Variants in RGS12 observed in about 807,000 individuals in gnomAD.
The protein encoded by RGS12 is regulator of G protein signaling 12.
A neutral mutation model predicts 120.1 loss-of-function variants in RGS12; 66 were observed. The ratio of observed to expected loss-of-function variants is 0.55; its 90% CI spans 0.45 to 0.67. The LOEUF is 0.67. Among genes scored for constraint, RGS12 ranks in the 30% least tolerant of loss-of-function variants. The pLI is 0.00. For missense variants in RGS12, 1,859 were observed against 1,957.7 expected, an observed-to-expected ratio of 0.95 and a Z score of 0.95; for synonymous variants, 827 against 804.7, an observed-to-expected ratio of 1.03 and a Z score of -0.47.
chr4:3,314,395 A>ATTTAT (rs1298229919), intron 1 of RGS12: 1 of 152,104 alleles, frequency 6.6e-6, no homozygotes, highest in African/African-American at 2.4e-5. Context: ...TAAAACAATT[A>ATTTAT]TTTATTTTAT....
At chr4:3,377,191 C>T (rs1190799342) in intron 3 of RGS12, among the ~76,000 whole-genome samples, 3 of 151,918 alleles carry the variant, frequency 2.0e-5, no homozygotes, top group Non-Finnish European at 4.4e-5. Flanking sequence ...CCTGCCTCAG[C>T]CCCCCAAGTA....
the RGS12 span, among the ~76,000 whole-genome samples, chr4:3,286,574 G>A: frequency 1.3e-5 from 2 of 152,220 alleles, no homozygotes; most frequent in African/African-American, 4.8e-5. Flanking sequence ...CTCCTGGGGT[G>A]GAAGCCTGTG....
intron 4 of RGS12, among the ~76,000 whole-genome samples, chr4:3,402,441 A>T (rs1427624272): frequency 6.6e-6 from 1 of 152,206 alleles, no homozygotes; most frequent in Non-Finnish European, 1.5e-5. Context: ...CTCTGGCCTC[A>T]GTCCTGCTGG....
At chr4:3,291,755 G>C (rs1222508750), upstream of RGS12, among the ~76,000 whole-genome samples, 2 of 152,052 alleles carry the variant, frequency 1.3e-5, no homozygotes. Context: ...TCCTGTAACC[G>C]CTCTGGCCGC....
At chr4:3,409,061 T>G (rs1721447343) in intron 4 of RGS12, among the ~76,000 whole-genome samples, 1 of 152,150 alleles carries the variant, frequency 6.6e-6, no homozygotes, top group Non-Finnish European at 1.5e-5. Flanking sequence ...AACTCTCACT[T>G]GAGTGGGTCC....
rs140833285 is a variant in RGS12, at chr4:3,359,968, C to T, written c.1998+16915C>T. Among the ~76,000 whole-genome samples the T allele has an allele frequency of 3.6e-3, 554 of 152,084 alleles. 5 individuals are homozygous for T. The highest frequency in any genetic ancestry group is 0.013 in the African/African-American group (541 of 41,482). ...TAGAGCTGGAGTTTCAACATGTTGCCCATGTTGTCTTGAACTCCTGGGCTC... is the reference window on the plus strand; with the variant it reads ...TAGAGCTGGAGTTTCAACATGTTGCTCATGTTGTCTTGAACTCCTGGGCTC... On this transcript the variant is annotated intron_variant, in intron 3 of 17. Coordinates refer to ENST00000336727, the MANE Select transcript of RGS12 (RefSeq NM_001394154.1).
At chr4:3,435,556 C>T (rs936018251) in intron 17 of RGS12, among the ~76,000 whole-genome samples, 1 of 150,030 alleles carries the variant, frequency 6.7e-6, no homozygotes, top group African/African-American at 2.4e-5. Context: ...AGCCCCCTCT[C>T]TCCAGAGCCC....
chr4:3,370,235 A>T, intron 3 of RGS12: 1 of 1,613,308 alleles, frequency 6.2e-7, no homozygotes, highest in Non-Finnish European at 8.5e-7. Context: ...TGTGTCTTAG[A>T]CCCGGGTGCC....
rs899417919 is a variant in RGS12 at position 3,366,049 on chromosome 4, C to A, written c.1999-20367C>A. On this transcript the variant is annotated intron_variant, in intron 3 of 17. Coordinates refer to ENST00000336727, the MANE Select transcript of RGS12 (RefSeq NM_001394154.1). The surrounding 1 kb of genome is among the most constrained non-coding windows in gnomAD (Gnocchi z 4.0). ...GCGTGGGGCGTGCTCGAGGTGGAGA[C>A]GGCTGTGAGCAGCTGCAGGCCAGGC... Among the ~76,000 whole-genome samples the A allele has an allele frequency of 3.3e-5, 5 of 152,030 alleles. No homozygotes were observed. Among genetic ancestry groups the A allele is most frequent in the Non-Finnish European group, 7.4e-5 (5 of 68,000 alleles).
intron 1 of RGS12, among the ~76,000 whole-genome samples, chr4:3,299,669 C>T (rs1723570166): frequency 6.6e-6 from 1 of 152,192 alleles, no homozygotes; most frequent in Admixed American, 6.5e-5. Context: ...GCTAGCACTC[C>T]AGTTAAAAGA....
rs755326685 is a variant in RGS12 at position 3,316,549 on chromosome 4, A to C, written c.379A>C (p.Lys127Gln). 1 of 1,614,216 alleles carries C rather than the reference A, an allele frequency of 6.2e-7. No individual in the cohort carries two copies. The highest frequency in any genetic ancestry group is 1.1e-5 in the South Asian group (1 of 91,088). ...KGWLKPKLDS[K>Q]ALGINRAERV... ...CTGGCTGAAGCCCAAGCTGGATTCT[A>C]AAGCACTAGGTATAAACAGAGCAGA... Residue 127 changes from lysine to glutamine, a missense_variant, in exon 2 of 18, where the codon AAA becomes CAA. Coordinates refer to ENST00000336727, the MANE Select transcript of RGS12 (RefSeq NM_001394154.1).
intron 4 of RGS12, among the ~76,000 whole-genome samples, chr4:3,403,473 C>A (rs536277385): frequency 3.0e-4 from 45 of 152,328 alleles, no homozygotes; most frequent in African/African-American, 1.1e-3. Context: ...AGTCTGGGCC[C>A]AGCATAGTCA....
intron 3 of RGS12, among the ~76,000 whole-genome samples, chr4:3,382,833 C>T (rs996958453): frequency 2.0e-5 from 3 of 152,138 alleles, no homozygotes; most frequent in East Asian, 1.9e-4. Flanking sequence ...GTTCTGTTTC[C>T]GACCTGCACT....
At chr4:3,342,839 C>T (rs1281966530) in intron 2 of RGS12, 98 bp from the exon 3 acceptor site, 2 of 833,322 alleles carry the variant, frequency 2.4e-6, no homozygotes, top group Non-Finnish European at 4.0e-6. Context: ...AGTCTTTGTT[C>T]CACAGTATTC....
intron 4 of RGS12, among the ~76,000 whole-genome samples, chr4:3,407,741 A>G (rs1721310093): frequency 6.6e-6 from 1 of 152,216 alleles, no homozygotes; most frequent in South Asian, 2.1e-4. Context: ...GTTATGACTT[A>G]AAGAGTCAGA....
chr4:3,317,185 G>A lies in RGS12; in HGVS notation c.1015G>A (p.Val339Met), dbSNP rs761802271. Reference protein sequence around the residue: ...EEGALRTSCHVFMVDPDLFNH... With the variant: ...EEGALRTSCHMFMVDPDLFNH... Reference sequence around the variant, plus strand: ...GGGCGCCCTGCGGACTTCCTGCCACGTGTTCATGGTGGACCCAGACTTGTT... The same window carrying A: ...GGGCGCCCTGCGGACTTCCTGCCACATGTTCATGGTGGACCCAGACTTGTT... The change falls in exon 2 of 18, where the codon GTG becomes ATG. Residue 339 changes from valine to methionine, a missense_variant. Around this residue, in one of 3 missense-constraint regions of RGS12, gnomAD observed 967 missense variants for 994.2 expected, o/e 0.97. Coordinates refer to ENST00000336727, the MANE Select transcript of RGS12 (RefSeq NM_001394154.1). 5.0e-6 allele frequency: 8 copies of A among 1,614,144 alleles called. No individual in the cohort carries two copies. Among genetic ancestry groups the A allele is most frequent in the South Asian group, 1.1e-5 (1 of 91,084 alleles).
rs376525855 is a variant in RGS12, at chr4:3,316,360, A to T, written c.190A>T (p.Ile64Leu). The T allele has an allele frequency of 1.2e-6, 2 of 1,614,216 alleles. No individual in the cohort carries two copies. The highest frequency in any genetic ancestry group is 1.7e-6 in the Non-Finnish European group (2 of 1,180,058). ...CGTGGGCCTCCGAGCTGGAGACCAGATACTTGCTGTCAATGAAATCAACGT... is the reference window on the plus strand; with the variant it reads ...CGTGGGCCTCCGAGCTGGAGACCAGTTACTTGCTGTCAATGAAATCAACGT... ...DFVGLRAGDQ[I>L]LAVNEINVKK... Residue 64 changes from isoleucine (I) to leucine (L), a missense_variant, in exon 2 of 18, where the codon ATA (isoleucine) becomes TTA (leucine). By Grantham distance (5) the Ile-to-Leu change is conservative. Around this residue, in one of 3 missense-constraint regions of RGS12, gnomAD observed 967 missense variants for 994.2 expected, o/e 0.97. Transcript: ENST00000336727.
chr4:3,364,011 G>A (rs1045266888), intron 3 of RGS12, among the ~76,000 whole-genome samples: 3 of 152,206 alleles, frequency 2.0e-5, no homozygotes, highest in African/African-American at 7.2e-5. Context: ...CAGTCACATG[G>A]TCTGTGGTTT....
At chr4:3,354,210 C>T (rs930456021) in intron 3 of RGS12, among the ~76,000 whole-genome samples, 3 of 152,188 alleles carry the variant, frequency 2.0e-5, no homozygotes, top group African/African-American at 2.4e-5. Flanking sequence ...GTTTTCCTCC[C>T]GCAACATGGG....
Sources: allele counts gnomAD v4.1 joint callset (sites outside exome capture counted in the v4.1 genomes callset), GRCh38; gene constraint gnomAD v4.1.1; regional missense constraint gnomAD v4.1.1; non-coding constraint Gnocchi (gnomAD v3.1); transcripts MANE v1.5; gene names NCBI Gene and HGNC (gene_info 2026-07-23, HGNC 2026-07-21).